The following SCN3A variants were observed in gnomAD, a reference collection of about 807,000 sequenced individuals.
SCN3A encodes sodium voltage-gated channel alpha subunit 3.
In SCN3A, 60 loss-of-function variants were observed where a neutral mutation model predicts 187.6. That is an observed-to-expected ratio of 0.32 (90% CI 0.26 to 0.40). The LOEUF (loss-of-function observed/expected upper bound fraction) is 0.40. Ranked by LOEUF, SCN3A falls within the 10% of genes least tolerant of loss-of-function variation. SCN3A has a pLI of 1.00. For missense variants in SCN3A, 1,601 were observed against 2,428.2 expected (o/e 0.66, Z 7.16); for synonymous variants, 788 against 829.2 (o/e 0.95, Z 0.85).
Position 165,164,472 on chromosome 2 carries a change from C to T in SCN3A, c.522G>A (p.Leu174=). ...IYTFESLIKI[L]ARGFCLEDFT... is the part of the protein sequence containing the mutation. ...AATCTTCTAAGCAAAACCCTCTTGCCAAGATTTTTATAAGTGACTCAAAGG... is the reference window on the plus strand; with the variant it reads ...AATCTTCTAAGCAAAACCCTCTTGCTAAGATTTTTATAAGTGACTCAAAGG... Residue 174 remains leucine (L), a synonymous_variant, in exon 6 of 28, where the codon TTG becomes TTA. Coordinates refer to ENST00000283254, the MANE Select transcript of SCN3A (RefSeq NM_006922.4). The T allele has an allele frequency of 6.2e-7, 1 of 1,613,684 alleles. No individual in the cohort carries two copies. The highest frequency in any genetic ancestry group is 8.5e-7 in the Non-Finnish European group (1 of 1,179,794).
chr2:165,197,918 T>C (rs892140615), intron 1 of SCN3A, among the ~76,000 whole-genome samples: 14 of 151,998 alleles, frequency 9.2e-5, no homozygotes, highest in Admixed American at 2.0e-4. Flanking sequence ...TTATTTTAAA[T>C]GTAGTTATTA....
Position 165,140,512 on chromosome 2 carries a change from TC to T in SCN3A, c.2019+138del. 3 of 737,358 alleles carry T rather than the reference TC, an allele frequency of 4.1e-6. No homozygotes were observed. Among genetic ancestry groups the T allele is most frequent in the Non-Finnish European group, 7.2e-6 (3 of 416,632 alleles). 45.7% of individuals were successfully genotyped at this position (737,358 alleles called of 1,614,324 possible). ...ATTGATTCTCAATATTCTATTGTTT[TC>T]CCTTTGATTAATCATGTATTATTTT... On this transcript the variant is annotated intron_variant, in intron 13 of 27. Transcript: ENST00000283254. This position sits in a 1 kb window ranked among gnomAD's most constrained non-coding sequence, Gnocchi z 4.2.
In SCN3A at chr2:165,148,781, G is replaced by A. The variant is rs1326986318; in HGVS notation, c.1381-1752C>T. Among the ~76,000 whole-genome samples, 4 of 152,006 alleles carry A rather than the reference G, an allele frequency of 2.6e-5. No homozygotes were observed. The East Asian group carries it at 7.7e-4, about 29-fold the overall frequency. On this transcript the variant is annotated intron_variant, in intron 11 of 27. Coordinates refer to ENST00000283254, the MANE Select transcript of SCN3A (RefSeq NM_006922.4). The stretch of plus-strand genomic sequence containing the variant: ...TTATAAAATTTTATAGAGTCATATA[G>A]CCAGGTTTTTAATGGAATTATTGAT...
chr2:165,143,288 C>T (rs1378603497), intron 12 of SCN3A, among the ~76,000 whole-genome samples: 2 of 152,102 alleles, frequency 1.3e-5, no homozygotes, highest in East Asian at 3.9e-4. Context: ...GTATAATCAC[C>T]TCAATACACC....
chr2:165,102,425 A>T (rs1352221787), intron 21 of SCN3A, among the ~76,000 whole-genome samples: 1 of 152,256 alleles, frequency 6.6e-6, no homozygotes, highest in Non-Finnish European at 1.5e-5. Flanking sequence ...CTTAGGCAGG[A>T]TGATTGCTTA....
chr2:165,166,007 T>A (rs1689734351), intron 5 of SCN3A, among the ~76,000 whole-genome samples: 1 of 152,208 alleles, frequency 6.6e-6, no homozygotes, highest in African/African-American at 2.4e-5. Flanking sequence ...GTGACACACA[T>A]AATCACCGTG....
rs189763850 is a variant in SCN3A at position 165,127,095 on chromosome 2, G to A, written c.3393+536C>T. On this transcript the variant is annotated intron_variant, in intron 18 of 27. Coordinates refer to ENST00000283254, the MANE Select transcript of SCN3A (RefSeq NM_006922.4). ...TTTTTTTGAGATAGGGTCTTGCTTT[G>A]TCACTCAGGGTTGAGTAGAATGATG... is the stretch of plus-strand genomic sequence containing the variant. Among the ~76,000 whole-genome samples the A allele has an allele frequency of 2.2e-4, 33 of 152,224 alleles. No homozygotes were observed. The East Asian group carries it at 6.0e-3, about 28-fold the overall frequency.
At chr2:165,167,618 C>G (rs11677254) in intron 5 of SCN3A, among the ~76,000 whole-genome samples, 56,319 of 151,908 alleles carry the variant, frequency 0.37, 10,745 homozygotes, top group South Asian at 0.5. Flanking sequence ...CACTTTGTTT[C>G]ACTAAAAACT....
At chr2:165,145,412 A>C (rs980798574) in intron 12 of SCN3A, among the ~76,000 whole-genome samples, 6 of 152,088 alleles carry the variant, frequency 3.9e-5, no homozygotes, top group Non-Finnish European at 8.8e-5. Flanking sequence ...TTATATTTGT[A>C]TTACACAAGA....
At position 165,127,637 on chromosome 2, in the gene SCN3A, G is replaced by T. The variant is rs774375940; in HGVS notation, c.3387C>A (p.Ser1129Arg). 1.9e-5 allele frequency: 30 copies of T among 1,612,858 alleles called. No individual in the cohort carries two copies. The Admixed American group carries it at 5.0e-4, about 27-fold the overall frequency. The stretch of plus-strand genomic sequence containing the variant: ...AATTTAAAAGCATTCTTACCTCTTT[G>T]CTTTCTTCTAGTTCTGACTCACTGC... The part of the protein sequence containing the change: ...EFSSESELEE[S>R]KEKLNATSSS... The change falls in exon 18 of 28, where the codon AGC (serine) becomes AGA (arginine). Residue 1129 changes from serine (S) to arginine (R), a missense_variant. This residue lies in a region of SCN3A where 267 missense variants were observed against 313.2 expected (regional missense o/e 0.85). Coordinates refer to ENST00000283254, the MANE Select transcript of SCN3A (RefSeq NM_006922.4).
rs1481510807 is a variant in SCN3A at position 165,138,128 on chromosome 2, A to C, written c.2153-11T>G. The C allele has an allele frequency of 1.3e-6, 2 of 1,581,576 alleles. No individual in the cohort carries two copies. ...TAGATTCTTCAAGTTCTGGAGGGACAATAACAAGGAAGAGTAGTAAATAAC... is the reference window on the plus strand; with the variant it reads ...TAGATTCTTCAAGTTCTGGAGGGACCATAACAAGGAAGAGTAGTAAATAAC... On this transcript the variant is annotated splice_polypyrimidine_tract_variant and intron_variant, in intron 14 of 27. Coordinates refer to ENST00000283254, the MANE Select transcript of SCN3A (RefSeq NM_006922.4).
At chr2:165,163,417 C>T (rs1689532714) in intron 7 of SCN3A, among the ~76,000 whole-genome samples, 2 of 152,096 alleles carry the variant, frequency 1.3e-5, no homozygotes, top group African/African-American at 2.4e-5. Context: ...ATGCAATTTT[C>T]TGTTAAACTC....
At chr2:165,185,799 A>G (rs1437729246) in intron 2 of SCN3A, among the ~76,000 whole-genome samples, 1 of 152,180 alleles carries the variant, frequency 6.6e-6, no homozygotes, top group Non-Finnish European at 1.5e-5. Context: ...AACTTGACCA[A>G]TTCAGAAGCC....
intron 17 of SCN3A, among the ~76,000 whole-genome samples, chr2:165,128,543 T>G (rs540021272): frequency 1.8e-4 from 27 of 152,354 alleles, no homozygotes; most frequent in Admixed American, 6.5e-4. Context: ...AGAATGAACT[T>G]ATTTATTTAA....
In SCN3A at chr2:165,130,445, T is replaced by C. The variant is rs576484471; in HGVS notation, c.2566-149A>G. 1.7e-5 allele frequency: 13 copies of C among 781,620 alleles called. No individual in the cohort carries two copies. In the East Asian group the frequency reaches 3.0e-4, roughly 18 times the overall value. 48.4% of individuals were successfully genotyped at this position (781,620 alleles called of 1,614,324 possible). ...GATTCAATTTCAAATCCAGAAAAAA[T>C]AGTGTTAACAATATTAGAATTGTAA... On this transcript the variant is annotated intron_variant, in intron 16 of 27. Transcript: ENST00000283254.
chr2:165,191,226 C>T (rs1559280440), intron 1 of SCN3A, among the ~76,000 whole-genome samples: 1 of 151,974 alleles, frequency 6.6e-6, no homozygotes, highest in East Asian at 1.9e-4. Context: ...AAATGATTTA[C>T]AGCAGTATTA....
At chr2:165,202,489 G>C (rs1692382049) in intron 1 of SCN3A, among the ~76,000 whole-genome samples, 1 of 151,982 alleles carries the variant, frequency 6.6e-6, no homozygotes, top group African/African-American at 2.4e-5. Flanking sequence ...CAAAGAAATA[G>C]TTTTCTTTAT....
Position 165,155,947 on chromosome 2 carries a change from A to G in SCN3A, c.1032-44T>C, listed in dbSNP as rs778203651. 1.7e-5 allele frequency: 28 copies of G among 1,609,552 alleles called. No homozygotes were observed. The South Asian group carries it at 2.7e-4, about 16-fold the overall frequency. ...GAGGTAGGGTCAGTTTAGAAATTAC[A>G]GCAATTTCAATTTATTTGACTTATA... On this transcript the variant is annotated intron_variant, in intron 9 of 27. Coordinates refer to ENST00000283254, the MANE Select transcript of SCN3A (RefSeq NM_006922.4).
chr2:165,156,997 G>A (rs887455614), intron 9 of SCN3A, among the ~76,000 whole-genome samples: 7 of 151,672 alleles, frequency 4.6e-5, no homozygotes, highest in Admixed American at 4.6e-4. Flanking sequence ...TGCAAGCTCC[G>A]CCTCCCAGGT....
Sources: allele counts gnomAD v4.1 joint callset (sites outside exome capture counted in the v4.1 genomes callset), GRCh38; gene constraint gnomAD v4.1.1; regional missense constraint gnomAD v4.1.1; non-coding constraint Gnocchi (gnomAD v3.1); transcripts MANE v1.5; gene names NCBI Gene and HGNC (gene_info 2026-07-23, HGNC 2026-07-21).